The following GRM5 variants were observed in gnomAD, a reference collection of about 807,000 sequenced individuals.
The protein encoded by GRM5 is metabotropic glutamate receptor 5.
A neutral mutation model predicts 83.1 loss-of-function variants in GRM5; 19 were observed. The ratio of observed to expected loss-of-function variants is 0.23; its 90% CI spans 0.16 to 0.34. The LOEUF (loss-of-function observed/expected upper bound fraction) is 0.34. Among genes scored for constraint, GRM5 ranks in the 10% least tolerant of loss-of-function variants. The pLI is 1.00. For synonymous variants in GRM5, 675 were observed against 633.6 expected, an observed-to-expected ratio of 1.07 and a Z score of -0.98; for missense variants, 1,160 against 1,588.3, an observed-to-expected ratio of 0.73 and a Z score of 4.58.
chr11:89,016,880 A>G (rs183276589), intron 2 of GRM5, among the ~76,000 whole-genome samples: 101 of 152,282 alleles, frequency 6.6e-4, no homozygotes, highest in Middle Eastern at 3.4e-3. Context: ...AAACTGGATA[A>G]TAGCCATCTG....
At chr11:88,725,889 A>G (rs1941667480) in intron 3 of GRM5, among the ~76,000 whole-genome samples, 1 of 152,182 alleles carries the variant, frequency 6.6e-6, no homozygotes, top group Admixed American at 6.5e-5. Flanking sequence ...AAGGTCACCA[A>G]CATCAAAGAC....
chr11:88,590,072 G>GA (rs1041534010), intron 7 of GRM5, among the ~76,000 whole-genome samples: 5 of 151,522 alleles, frequency 3.3e-5, no homozygotes, highest in Non-Finnish European at 5.9e-5. Flanking sequence ...AAACAAAAAA[G>GA]AAAAAAAATA....
intron 2 of GRM5, among the ~76,000 whole-genome samples, chr11:88,986,423 C>A (rs1247860171): frequency 6.6e-6 from 1 of 152,090 alleles, no homozygotes; most frequent in Non-Finnish European, 1.5e-5. Flanking sequence ...TCTTTCTTAA[C>A]TGTATTAATG....
At chr11:88,988,777 G>T (rs1470003862) in intron 2 of GRM5, among the ~76,000 whole-genome samples, 2 of 147,602 alleles carry the variant, frequency 1.4e-5, no homozygotes, top group South Asian at 2.3e-4. Flanking sequence ...ATAAGTGAAG[G>T]AGAAATAAAA....
intron 2 of GRM5, among the ~76,000 whole-genome samples, chr11:88,917,797 CA>C (rs1772799268): frequency 6.6e-6 from 1 of 151,138 alleles, no homozygotes; most frequent in African/African-American, 2.4e-5. Context: ...CAGAGGAAAG[CA>C]ATAACAAAAA....
intron 4 of GRM5, among the ~76,000 whole-genome samples, chr11:88,651,803 T>A (rs1016387336): frequency 2.0e-5 from 3 of 152,012 alleles, no homozygotes; most frequent in African/African-American, 7.2e-5. Context: ...TCTACCCAAA[T>A]AGGAACTGAT....
chr11:89,041,645 C>A (rs897052857), intron 2 of GRM5, among the ~76,000 whole-genome samples: 2 of 152,186 alleles, frequency 1.3e-5, no homozygotes, highest in African/African-American at 4.8e-5. Flanking sequence ...GGAGGGAATG[C>A]CCCTCTAAAC....
intron 2 of GRM5, among the ~76,000 whole-genome samples, chr11:88,877,831 A>C (rs1944883590): frequency 7.1e-6 from 1 of 141,138 alleles, no homozygotes; most frequent in Non-Finnish European, 1.6e-5. Context: ...CTGTGGAAGA[A>C]AAAAAAAAAA....
In GRM5 at chr11:88,639,712, C is replaced by T. The variant is rs76887618; in HGVS notation, c.1147+13456G>A. 5.1e-4 allele frequency among the ~76,000 whole-genome samples: 77 copies of T among 152,032 alleles called. No individual in the cohort carries two copies. In the East Asian group the frequency reaches 0.012, roughly 24 times the overall value. On this transcript the variant is annotated intron_variant, in intron 4 of 9. Transcript: ENST00000305447. ...ATGCCATTCTCCTGCCTCAGCCTCC[C>T]GAGTAGCTGGGACTACAGGTGCCTG...
intron 2 of GRM5, among the ~76,000 whole-genome samples, chr11:88,994,678 T>C (rs1051640549): frequency 2.0e-5 from 3 of 150,482 alleles, no homozygotes; most frequent in Non-Finnish European, 4.4e-5. Context: ...TTAACTCAGA[T>C]TAAGATTTTA....
intron 3 of GRM5, among the ~76,000 whole-genome samples, chr11:88,817,125 C>T (rs1943706860): frequency 6.6e-6 from 1 of 152,084 alleles, no homozygotes; most frequent in South Asian, 2.1e-4. Context: ...CAAAATATCA[C>T]TCCATGAAGA....
chr11:88,987,708 C>A (rs529277455), intron 2 of GRM5, among the ~76,000 whole-genome samples: 1 of 152,012 alleles, frequency 6.6e-6, no homozygotes, highest in Non-Finnish European at 1.5e-5. Context: ...GACCCCTGAC[C>A]CCCGAGCAGC....
At chr11:88,774,348 G>A (rs1037842488) in intron 3 of GRM5, among the ~76,000 whole-genome samples, 1 of 152,094 alleles carries the variant, frequency 6.6e-6, no homozygotes, top group African/African-American at 2.4e-5. Flanking sequence ...GGAGATTTTG[G>A]GCTGAGACAA....
At chr11:88,953,577 CATTT>C (rs1390712051) in intron 2 of GRM5, among the ~76,000 whole-genome samples, 2 of 152,226 alleles carry the variant, frequency 1.3e-5, no homozygotes, top group Non-Finnish European at 2.9e-5. Flanking sequence ...CCTCCACCTT[CATTT>C]GTTTCCTCTG....
At chr11:88,673,220 C>CA (rs1940235975) in intron 3 of GRM5, among the ~76,000 whole-genome samples, 1 of 151,690 alleles carries the variant, frequency 6.6e-6, no homozygotes, top group Non-Finnish European at 1.5e-5. Flanking sequence ...TGATTTGAAA[C>CA]AAGGAAGTGA....
intron 2 of GRM5, among the ~76,000 whole-genome samples, chr11:89,024,423 T>C (rs1941077204): frequency 1.3e-5 from 2 of 152,300 alleles, no homozygotes; most frequent in African/African-American, 4.8e-5. Flanking sequence ...ATCAGGATCT[T>C]CATAGCAAAA....
intron 2 of GRM5, among the ~76,000 whole-genome samples, chr11:88,963,619 C>T (rs1938851902): frequency 6.6e-6 from 1 of 152,224 alleles, no homozygotes; most frequent in Non-Finnish European, 1.5e-5. Context: ...GACCCCATGA[C>T]ATTGTGCCGG....
chr11:89,009,506 T>C (rs547595704), intron 2 of GRM5, among the ~76,000 whole-genome samples: 2 of 152,328 alleles, frequency 1.3e-5, no homozygotes, highest in South Asian at 4.1e-4. Flanking sequence ...TTGGCCATTA[T>C]ATTCATTAAG....
intron 2 of GRM5, among the ~76,000 whole-genome samples, chr11:88,996,768 C>T (rs1469660602): frequency 4.6e-5 from 7 of 152,274 alleles, no homozygotes; most frequent in African/African-American, 1.7e-4. Context: ...CCACAACAAA[C>T]TTGAAAGACT....
Sources: gnomAD v4.1 joint callset for allele counts (sites outside exome capture counted in the v4.1 genomes callset) on GRCh38, gnomAD v4.1.1 for gene constraint, MANE v1.5 for transcripts, NCBI Gene and HGNC (gene_info 2026-07-23, HGNC 2026-07-21) for gene names.